KSR2: variants seen among roughly 807,000 people sequenced by gnomAD.
KSR2 encodes kinase suppressor of ras 2.
A neutral mutation model predicts 107.8 loss-of-function variants in KSR2; 25 were observed. That is an observed-to-expected ratio of 0.23 (90% CI 0.17 to 0.32). The LOEUF (loss-of-function observed/expected upper bound fraction) is 0.32. Ranked by LOEUF, KSR2 falls within the 10% of genes least tolerant of loss-of-function variation. KSR2 has a pLI of 1.00. For synonymous variants in KSR2, 480 were observed against 507.0 expected, an observed-to-expected ratio of 0.95 and a Z score of 0.71; for missense variants, 887 against 1,268.9, an observed-to-expected ratio of 0.70 and a Z score of 4.57.
intron 1 of KSR2, among the ~76,000 whole-genome samples, chr12:117,911,818 A>G (rs905961024): frequency 1.3e-5 from 2 of 152,194 alleles, no homozygotes; most frequent in African/African-American, 4.8e-5. Context: ...AGGCATAAGT[A>G]ACATATATAA....
rs546094745 is a variant in KSR2, at chr12:117,961,050, T to A, written c.180+7026A>T. 1.8e-4 allele frequency among the ~76,000 whole-genome samples: 27 copies of A among 152,260 alleles called. No homozygotes were observed. In the South Asian group the frequency reaches 2.3e-3, roughly 13 times the overall value. On this transcript the variant is annotated intron_variant, in intron 1 of 19. Transcript: ENST00000339824. ...CTGGGTTCAAGCAATCCTCCCACCT[T>A]GGCATCCCAAAGTGCCAGGATTACA...
chr12:117,807,386 G>A (rs1021797227), intron 3 of KSR2, among the ~76,000 whole-genome samples: 3 of 152,162 alleles, frequency 2.0e-5, no homozygotes, highest in Admixed American at 6.5e-5. Context: ...TGTCACTTTC[G>A]AAGGTTTCCA....
intron 5 of KSR2, among the ~76,000 whole-genome samples, chr12:117,635,447 T>C (rs1012752809): frequency 5.3e-5 from 8 of 152,048 alleles, no homozygotes; most frequent in African/African-American, 1.9e-4. Flanking sequence ...AAAAGGAATT[T>C]AAAATAACAA....
intron 5 of KSR2, among the ~76,000 whole-genome samples, chr12:117,626,303 T>C (rs1435528877): frequency 1.3e-5 from 2 of 152,242 alleles, no homozygotes; most frequent in East Asian, 1.9e-4. Flanking sequence ...TGTTGGGGTG[T>C]TGATTTTAGA....
intron 1 of KSR2, among the ~76,000 whole-genome samples, chr12:117,875,096 C>G (rs1180518999): frequency 1.3e-5 from 2 of 152,188 alleles, no homozygotes; most frequent in African/African-American, 4.8e-5. Flanking sequence ...TCCGCAGCGC[C>G]TTATTACTGT....
At position 117,469,652 on chromosome 12, in the gene KSR2, GA is replaced by G. The variant is rs772314232; in HGVS notation, c.2846+9del. On this transcript the variant is annotated intron_variant, in intron 19 of 19. Coordinates refer to ENST00000339824, the MANE Select transcript of KSR2 (RefSeq NM_173598.6). ...GGCAGTGGGGAGAGACATTAAGGGA[GA>G]AAACCTACTCTGCAGACTTCCAGAA... 1.2e-6 allele frequency: 2 copies of G among 1,611,346 alleles called. No homozygotes were observed. Among genetic ancestry groups the G allele is most frequent in the Admixed American group, 1.7e-5 (1 of 59,710 alleles).
intron 4 of KSR2, among the ~76,000 whole-genome samples, chr12:117,703,786 G>A (rs1886416542): frequency 6.6e-6 from 1 of 152,150 alleles, no homozygotes; most frequent in Admixed American, 6.5e-5. Context: ...CGGGGCATAC[G>A]TCCTCCCAAT....
At chr12:117,854,771 A>C (rs1389712747) in intron 3 of KSR2, among the ~76,000 whole-genome samples, 1 of 152,178 alleles carries the variant, frequency 6.6e-6, no homozygotes, top group Non-Finnish European at 1.5e-5. Context: ...GCTAATAAAG[A>C]CAAACAGGTA....
intron 3 of KSR2, among the ~76,000 whole-genome samples, chr12:117,824,717 T>C (rs1032433983): frequency 2.7e-5 from 4 of 149,992 alleles, no homozygotes; most frequent in Non-Finnish European, 3.0e-5. Context: ...ATTAGCTGGG[T>C]GTGGTGGCAG....
intron 3 of KSR2, among the ~76,000 whole-genome samples, chr12:117,814,446 A>T (rs1891300662): frequency 6.6e-6 from 1 of 152,158 alleles, no homozygotes. Flanking sequence ...AGATGTGGTC[A>T]ATCATCTTGC....
intron 1 of KSR2, among the ~76,000 whole-genome samples, chr12:117,887,172 C>T (rs111560320): frequency 1.4e-3 from 216 of 152,322 alleles, no homozygotes; most frequent in Middle Eastern, 6.8e-3. Context: ...GATCCTTCTA[C>T]TTCAGCCTCC....
chr12:117,548,869 T>C (rs899954279), intron 9 of KSR2, among the ~76,000 whole-genome samples: 19 of 152,286 alleles, frequency 1.2e-4, no homozygotes, highest in African/African-American at 4.3e-4. Context: ...AACAAATGGA[T>C]ACTGGCCCCA....
At chr12:117,761,577 T>G in intron 3 of KSR2, 53 bp from the exon 4 acceptor site, 1 of 1,568,080 alleles carries the variant, frequency 6.4e-7, no homozygotes, top group Non-Finnish European at 8.8e-7. Context: ...GAAAGCCAGG[T>G]GAGTTACACC....
intron 3 of KSR2, among the ~76,000 whole-genome samples, chr12:117,846,031 T>C (rs1892693335): frequency 6.6e-6 from 1 of 151,572 alleles, no homozygotes; most frequent in African/African-American, 2.4e-5. Context: ...TCCACCAGCC[T>C]GCCCTTCCTA....
chr12:117,577,218 G>A (rs571721407), intron 7 of KSR2, among the ~76,000 whole-genome samples: 69 of 151,980 alleles, frequency 4.5e-4, no homozygotes, highest in Non-Finnish European at 8.7e-4. Context: ...AGAAGGAGGA[G>A]TTCTCAGAAT....
At chr12:117,691,001 C>T (rs1180314611) in intron 4 of KSR2, among the ~76,000 whole-genome samples, 1 of 152,208 alleles carries the variant, frequency 6.6e-6, no homozygotes, top group Non-Finnish European at 1.5e-5. Flanking sequence ...TTTCCGATCA[C>T]AGGCAAACAG....
At chr12:117,824,052 T>C (rs1409969689) in intron 3 of KSR2, among the ~76,000 whole-genome samples, 1 of 152,196 alleles carries the variant, frequency 6.6e-6, no homozygotes, top group Non-Finnish European at 1.5e-5. Flanking sequence ...ATATACACAA[T>C]GGAATATTAT....
At chr12:117,817,915 A>G (rs1163383789) in intron 3 of KSR2, among the ~76,000 whole-genome samples, 2 of 152,132 alleles carry the variant, frequency 1.3e-5, no homozygotes, top group African/African-American at 4.8e-5. Flanking sequence ...AGGCGGGCCA[A>G]CACAGTAAAA....
At chr12:117,809,345 A>C (rs1468175675) in intron 3 of KSR2, among the ~76,000 whole-genome samples, 1 of 151,946 alleles carries the variant, frequency 6.6e-6, no homozygotes, top group Non-Finnish European at 1.5e-5. Context: ...CTGTGTATTG[A>C]AGGATGTTAG....
Sources: allele counts gnomAD v4.1 joint callset (sites outside exome capture counted in the v4.1 genomes callset), GRCh38; gene constraint gnomAD v4.1.1; transcripts MANE v1.5; gene names NCBI Gene and HGNC (gene_info 2026-07-23, HGNC 2026-07-21).